SLC26A6: variants seen among roughly 807,000 people sequenced by gnomAD.
The protein encoded by SLC26A6 is anion exchange transporter.
Under a neutral mutation model 87.1 loss-of-function variants are expected in SLC26A6, and 67 were observed. That is an observed-to-expected ratio of 0.77 (90% CI 0.63 to 0.94). The LOEUF (loss-of-function observed/expected upper bound fraction) is 0.94, where lower values mean the gene tolerates loss of function less well. SLC26A6 is among the 40% of genes least tolerant of loss of function. The pLI is 0.00. For missense variants in SLC26A6, 902 were observed against 973.0 expected (o/e 0.93, Z 0.97); for synonymous variants, 414 against 405.9 (o/e 1.02, Z -0.24).
rs2046639032 is a variant in SLC26A6 at position 48,626,879 on chromosome 3, C to T, written c.2070G>A (p.Lys690=). ...CTTGGCCTGCCCCCGTCCTTACATT[C>T]TTCAGGCTCTTGAGGCACACAGTGT... is the stretch of plus-strand genomic sequence containing the variant. ...FVDTVCLKSL[K]NIFHDFREIE... The change falls in exon 18 of 21, where the codon AAG becomes AAA. Residue 690 remains lysine (K), a synonymous_variant. Transcript: ENST00000395550. 2 of 1,612,874 alleles carry T rather than the reference C, an allele frequency of 1.2e-6. No homozygotes were observed. The highest frequency in any genetic ancestry group is 2.7e-5 in the African/African-American group (2 of 74,874).
At position 48,632,147 on chromosome 3, in the gene SLC26A6, G is replaced by A. The variant is rs1409517567; in HGVS notation, c.585+98C>T. 408 of 1,580,852 alleles carry A rather than the reference G, an allele frequency of 2.6e-4. 3 individuals are homozygous for A. Among genetic ancestry groups the A allele is most frequent in the Non-Finnish European group, 6.0e-6 (7 of 1,161,014 alleles). On this transcript the variant is annotated intron_variant, in intron 5 of 20. Transcript: ENST00000395550. ...GGAGGGGGATGAGTAGACGGCAAGA[G>A]GAGGACGACGATGGTCAGACACTCA...
chr3:48,626,232 CG>C lies in SLC26A6; in HGVS notation c.2250del (p.Asp751ThrfsTer88), dbSNP rs2046616944. 1 of 1,613,984 alleles carries C rather than the reference CG, an allele frequency of 6.2e-7. No homozygotes were observed. Among genetic ancestry groups the C allele is most frequent in the African/African-American group, 1.3e-5 (1 of 74,998 alleles). ...GGTAGGCTCACCGAAACAGGGCTGT[CG>C]GGGACAGGCCTCGGGTGTTGGAGGG... ...TFALQHPRPVPDSPVSVTRL is the reference protein window; with the variant it reads ...TFALQHPRPVXDSPVSVTRL On this transcript the variant is annotated frameshift_variant, in exon 20 of 21. Transcript: ENST00000395550. LOFTEE classifies it high-confidence loss of function.
At chr3:48,626,782 AG>A in intron 18 of SLC26A6, 93 bp downstream of exon 18, 1 of 1,607,970 alleles carries the variant, frequency 6.2e-7, no homozygotes, top group Non-Finnish European at 8.5e-7. Context: ...GGGAGCTTTG[AG>A]GGTTTGGGGA....
At chr3:48,632,764 C>G (rs2046842067) in intron 4 of SLC26A6, 1 of 679,878 alleles carries the variant, frequency 1.5e-6, no homozygotes, top group Non-Finnish European at 2.6e-6. Flanking sequence ...TCTCATCTTC[C>G]TGGAGCCAGG....
intron 1 of SLC26A6, 26 bp from the exon 2 acceptor site, chr3:48,633,661 C>T: frequency 6.2e-7 from 1 of 1,610,290 alleles, no homozygotes; most frequent in Non-Finnish European, 8.5e-7. Context: ...CAGAGAGACA[C>T]AGTGAAGGCA....
Position 48,630,474 on chromosome 3 carries a change from AATG to A in SLC26A6, c.1287_1289del (p.Ile430del), listed in dbSNP as rs2046752492. On this transcript the variant is annotated inframe_deletion, in exon 11 of 21. Transcript: ENST00000395550. ...CATGGAAGAGTTCCCCAAGTTTGAC[AATG>A]ATGAGGAGGATGAAAAGGGAAGAGA... 1.9e-6 allele frequency: 3 copies of A among 1,560,792 alleles called. No homozygotes were observed. The highest frequency in any genetic ancestry group is 2.6e-6 in the Non-Finnish European group (3 of 1,152,278).
intron 19 of SLC26A6, 39 bp downstream of exon 19, chr3:48,626,592 C>G (rs774360884): frequency 6.4e-5 from 104 of 1,613,748 alleles, no homozygotes; most frequent in Non-Finnish European, 8.6e-5. Flanking sequence ...GTATCCTACC[C>G]TCTTCCCAGG....
chr3:48,632,449 T>C lies in SLC26A6; in HGVS notation c.434-53A>G, dbSNP rs898576277. Reference sequence around the variant, plus strand: ...AAGAGGAGAGGACACTGCCCTGCCCTGGAGCCCTGGTCTTAAGAGAGAGGC... The same window carrying C: ...AAGAGGAGAGGACACTGCCCTGCCCCGGAGCCCTGGTCTTAAGAGAGAGGC... On this transcript the variant is annotated intron_variant, in intron 4 of 20. Transcript: ENST00000395550. 3.2e-6 allele frequency: 5 copies of C among 1,576,438 alleles called. No homozygotes were observed. In the African/African-American group the frequency reaches 5.4e-5, roughly 17 times the overall value.
At chr3:48,632,672 TG>T (rs2046838760) in intron 4 of SLC26A6, 1 of 687,144 alleles carries the variant, frequency 1.5e-6, no homozygotes, top group Non-Finnish European at 2.6e-6. Context: ...AGGCTCTCTG[TG>T]GAGTAGGGAA....
Position 48,626,300 on chromosome 3 carries a change from T to G in SLC26A6, c.2183A>C (p.Lys728Thr). 1 of 1,614,048 alleles carries G rather than the reference T, an allele frequency of 6.2e-7. No individual in the cohort carries two copies. Among genetic ancestry groups the G allele is most frequent in the Non-Finnish European group, 8.5e-7 (1 of 1,180,010 alleles). Residue 728 changes from lysine (K) to threonine (T), a missense_variant, in exon 20 of 21, where the codon AAG (lysine) becomes ACG (threonine). Lys to Thr is a moderately conservative substitution (Grantham distance 78). Coordinates refer to ENST00000395550, the MANE Select transcript of SLC26A6 (RefSeq NM_022911.3). ...ATGGACAGAGGCAAAGAGATGCTTC[T>G]TGGTGATGGATGCATCGAAGAAGTG... Reference protein sequence around the residue: ...AGHFFDASITKKHLFASVHDA... With the variant: ...AGHFFDASITTKHLFASVHDA...
At chr3:48,634,423 A>T (rs1166453048) in intron 1 of SLC26A6, 1 of 152,248 alleles carries the variant, frequency 6.6e-6, no homozygotes, top group Non-Finnish European at 1.5e-5. Context: ...GTTCTGATAC[A>T]GGGGGAATCT....
intron 5 of SLC26A6, 94 bp downstream of exon 5, chr3:48,632,151 G>A: frequency 6.3e-7 from 1 of 1,578,938 alleles, no homozygotes; most frequent in Non-Finnish European, 8.6e-7. Context: ...GCAAGAGGAG[G>A]ACGACGATGG....
chr3:48,631,741 C>G lies in SLC26A6; in HGVS notation c.811G>C (p.Ala271Pro), dbSNP rs2046800699. 6.2e-7 allele frequency: 1 copy of G among 1,613,624 alleles called. No individual in the cohort carries two copies. The highest frequency in any genetic ancestry group is 8.5e-7 in the Non-Finnish European group (1 of 1,180,040). ...QSKVGTVVTA[A>P]VAGVVLVVVK... ...ACCACGAGCACCACCCCAGCCACAGCTGCAGTGACCACGGTGCCAACCTTG... is the reference window on the plus strand; with the variant it reads ...ACCACGAGCACCACCCCAGCCACAGGTGCAGTGACCACGGTGCCAACCTTG... The change falls in exon 7 of 21, where the codon GCT (alanine) becomes CCT (proline). Residue 271 changes from alanine (A) to proline (P), a missense_variant. Physicochemically the swap from Ala to Pro is conservative, Grantham distance 27. Around this residue, in one of 3 missense-constraint regions of SLC26A6, gnomAD observed 800 missense variants for 856.8 expected, o/e 0.93. Coordinates refer to ENST00000395550, the MANE Select transcript of SLC26A6 (RefSeq NM_022911.3).
intron 11 of SLC26A6, 52 bp downstream of exon 11, chr3:48,630,386 T>C: frequency 1.3e-6 from 2 of 1,533,502 alleles, no homozygotes; most frequent in East Asian, 2.4e-5. Flanking sequence ...ACTGGCTGAT[T>C]TGAGAGCCCT....
At chr3:48,629,226 A>G (rs993865972) in intron 14 of SLC26A6, among the ~76,000 whole-genome samples, 1 of 149,812 alleles carries the variant, frequency 6.7e-6, no homozygotes, top group Admixed American at 6.6e-5. Context: ...TTTATTCCAG[A>G]GCCCCCCACC....
intron 3 of SLC26A6, 63 bp from the exon 4 acceptor site, chr3:48,633,147 C>G: frequency 6.3e-7 from 1 of 1,583,264 alleles, no homozygotes; most frequent in Non-Finnish European, 8.6e-7. Flanking sequence ...AAGGGAATCC[C>G]AGCCCTGGGT....
Position 48,631,980 on chromosome 3 carries a change from C to A in SLC26A6, c.650G>T (p.Gly217Val), listed in dbSNP as rs760679009. 1 of 1,613,506 alleles carries A rather than the reference C, an allele frequency of 6.2e-7. No individual in the cohort carries two copies. Among genetic ancestry groups the A allele is most frequent in the South Asian group, 1.1e-5 (1 of 91,082 alleles). Residue 217 changes from glycine to valine, a missense_variant, in exon 6 of 21, where the codon GGC becomes GTC. Physicochemically the swap from Gly to Val is moderately radical, Grantham distance 109 (BLOSUM62 -3). Around this residue, in one of 3 missense-constraint regions of SLC26A6, gnomAD observed 800 missense variants for 856.8 expected, o/e 0.93. Coordinates refer to ENST00000395550, the MANE Select transcript of SLC26A6 (RefSeq NM_022911.3). ...CTGCACAGCTGCAGCTGTGGTATAG[C>A]CTCGGACAAGAGGTTCTGACAGGTA... ...VTYLSEPLVR[G>V]YTTAAAVQVF...
Position 48,633,232 on chromosome 3 carries a change from C to T in SLC26A6, c.322+19G>A, listed in dbSNP as rs760533049. The T allele has an allele frequency of 8.1e-6, 13 of 1,609,448 alleles. No homozygotes were observed. The South Asian group carries it at 1.1e-4, about 14-fold the overall frequency. ...ACAGACCACAGGGTTTCCAGGCCGA[C>T]GCACTGAAGGTGGCTCACCCTGCGG... On this transcript the variant is annotated intron_variant, in intron 3 of 20. Transcript: ENST00000395550.
intron 17 of SLC26A6, 64 bp downstream of exon 17, chr3:48,627,882 G>C: frequency 2.1e-6 from 3 of 1,447,602 alleles, no homozygotes; most frequent in Non-Finnish European, 2.8e-6. Context: ...TTCCTCATGA[G>C]ACATGTGGAT....
Sources: gnomAD v4.1 joint callset for allele counts (sites outside exome capture counted in the v4.1 genomes callset) on GRCh38, gnomAD v4.1.1 for gene constraint, gnomAD v4.1.1 regional missense constraint, MANE v1.5 for transcripts, NCBI Gene and HGNC (gene_info 2026-07-23, HGNC 2026-07-21) for gene names.